The following LRRC4C variants were observed in gnomAD, a reference collection of about 807,000 sequenced individuals.
LRRC4C encodes leucine rich repeat containing 4C, also known as leucine-rich repeat-containing protein 4C.
A neutral mutation model predicts 33.6 loss-of-function variants in LRRC4C; 5 were observed. The observed-to-expected ratio is 0.15, with a 90% CI of 0.08 to 0.31. The LOEUF (loss-of-function observed/expected upper bound fraction) is 0.31. Ranked by LOEUF, LRRC4C falls within the 10% of genes least tolerant of loss-of-function variation. The pLI, the probability that LRRC4C is intolerant of heterozygous loss-of-function variation, is 1.00. For missense variants in LRRC4C, 560 were observed against 796.7 expected, an observed-to-expected ratio of 0.70 and a Z score of 3.58; for synonymous variants, 329 against 302.0, an observed-to-expected ratio of 1.09 and a Z score of -0.93.
chr11:40,987,009 C>T (rs1354017403), intron 1 of LRRC4C, among the ~76,000 whole-genome samples: 2 of 152,140 alleles, frequency 1.3e-5, no homozygotes, highest in Non-Finnish European at 2.9e-5. Context: ...CCAGTTCTTC[C>T]CTGGGAACTC....
intron 1 of LRRC4C, among the ~76,000 whole-genome samples, chr11:41,043,068 CTTTTTTTTTTTTTT>C (rs67605827): frequency 1.3e-5 from 1 of 75,798 alleles, no homozygotes; most frequent in Non-Finnish European, 2.4e-5. Flanking sequence ...CAGAATAGAC[CTTTTTTTTTTTTTT>C]TTTTTTTTTT....
At chr11:41,171,335 A>G (rs150250174) in intron 1 of LRRC4C, among the ~76,000 whole-genome samples, 1,974 of 152,326 alleles carry the variant, frequency 0.013, 53 homozygotes, top group African/African-American at 0.044. Flanking sequence ...TATTCACAAT[A>G]GCAAAGACTT....
intron 1 of LRRC4C, among the ~76,000 whole-genome samples, chr11:41,037,186 A>G (rs963766905): frequency 2.6e-5 from 4 of 152,062 alleles, no homozygotes; most frequent in Non-Finnish European, 5.9e-5. Context: ...TACTCGTTGC[A>G]TTATAAATTA....
Position 40,235,495 on chromosome 11 carries a change from A to G in LRRC4C, c.-96+6024T>C, listed in dbSNP as rs560095480. Among the ~76,000 whole-genome samples, 3 of 152,332 alleles carry G rather than the reference A, an allele frequency of 2.0e-5. No homozygotes were observed. The South Asian group carries it at 6.2e-4, about 32-fold the overall frequency. On this transcript the variant is annotated intron_variant, in intron 5 of 6. Coordinates refer to ENST00000528697, the MANE Select transcript of LRRC4C (RefSeq NM_001258419.2). The stretch of plus-strand genomic sequence containing the variant: ...ACTTATTATATGGATATAACCTTAA[A>G]GTCGATGGGAGTTGAGAATCAAGGC...
intron 1 of LRRC4C, among the ~76,000 whole-genome samples, chr11:41,350,601 C>T (rs1951950166): frequency 2.0e-5 from 3 of 151,844 alleles, no homozygotes; most frequent in African/African-American, 7.3e-5. Flanking sequence ...TAACCTCCAT[C>T]ACATGGGCAT....
intron 1 of LRRC4C, among the ~76,000 whole-genome samples, chr11:40,959,163 T>C (rs2136839586): frequency 6.6e-6 from 1 of 151,838 alleles, no homozygotes; most frequent in African/African-American, 2.4e-5. Flanking sequence ...ATGACTCTAA[T>C]GCATAGCCTA....
intron 3 of LRRC4C, among the ~76,000 whole-genome samples, chr11:40,383,291 G>C (rs1948965927): frequency 6.6e-6 from 1 of 152,032 alleles, no homozygotes; most frequent in Admixed American, 6.6e-5. Flanking sequence ...TCCATATCTT[G>C]ACTATTGTGA....
chr11:41,247,010 A>T (rs1262787680), intron 1 of LRRC4C, among the ~76,000 whole-genome samples: 1 of 152,234 alleles, frequency 6.6e-6, no homozygotes, highest in African/African-American at 2.4e-5. Flanking sequence ...CACCGGGTGA[A>T]GGTAGGTCAC....
At chr11:41,124,464 G>A (rs955627254) in intron 1 of LRRC4C, among the ~76,000 whole-genome samples, 7 of 152,150 alleles carry the variant, frequency 4.6e-5, no homozygotes, top group African/African-American at 1.4e-4. Context: ...TCTTTTCTTC[G>A]TTCTACAGCA....
intron 2 of LRRC4C, among the ~76,000 whole-genome samples, chr11:40,795,210 C>A (rs1483847534): frequency 6.6e-6 from 1 of 152,128 alleles, no homozygotes; most frequent in African/African-American, 2.4e-5. Flanking sequence ...CTTTACTTCT[C>A]CACATCCATA....
At chr11:41,199,918 A>G (rs1946337246) in intron 1 of LRRC4C, among the ~76,000 whole-genome samples, 2 of 152,134 alleles carry the variant, frequency 1.3e-5, no homozygotes, top group South Asian at 4.1e-4. Context: ...CTTACATCTT[A>G]ACATCTTAAA....
intron 1 of LRRC4C, among the ~76,000 whole-genome samples, chr11:41,428,613 G>T (rs1346340848): frequency 6.6e-6 from 1 of 152,086 alleles, no homozygotes; most frequent in Non-Finnish European, 1.5e-5. Context: ...GCTGCTTGTA[G>T]GTATTGTTGG....
chr11:41,240,075 T>C (rs185781710), intron 1 of LRRC4C, among the ~76,000 whole-genome samples: 73 of 152,310 alleles, frequency 4.8e-4, no homozygotes, highest in Non-Finnish European at 9.4e-4. Flanking sequence ...AAAAATCAAA[T>C]GTCAAAGCTT....
At chr11:40,613,272 C>T (rs1591276242) in intron 3 of LRRC4C, among the ~76,000 whole-genome samples, 2 of 151,864 alleles carry the variant, frequency 1.3e-5, no homozygotes, top group East Asian at 3.9e-4. Flanking sequence ...TCTCTCAAAC[C>T]TTGCCTATGC....
At chr11:40,674,507 G>C (rs1241043869) in intron 2 of LRRC4C, among the ~76,000 whole-genome samples, 1 of 152,144 alleles carries the variant, frequency 6.6e-6, no homozygotes, top group Non-Finnish European at 1.5e-5. Flanking sequence ...ACAGCCAGGG[G>C]CTCTTAGGTG....
intron 1 of LRRC4C, among the ~76,000 whole-genome samples, chr11:41,224,181 C>T (rs1470713254): frequency 6.6e-6 from 1 of 152,038 alleles, no homozygotes; most frequent in African/African-American, 2.4e-5. Flanking sequence ...AATTACCTGC[C>T]GTGGAAAAAG....
intron 1 of LRRC4C, among the ~76,000 whole-genome samples, chr11:41,003,010 T>C (rs976409399): frequency 6.6e-6 from 1 of 152,184 alleles, no homozygotes; most frequent in Admixed American, 6.5e-5. Flanking sequence ...GTTATGTATG[T>C]GTATAGTTAT....
At chr11:40,679,577 T>C (rs1455224331) in intron 2 of LRRC4C, among the ~76,000 whole-genome samples, 1 of 152,168 alleles carries the variant, frequency 6.6e-6, no homozygotes, top group Non-Finnish European at 1.5e-5. Flanking sequence ...TCCCAGCATC[T>C]CCAGCCGTGA....
intron 5 of LRRC4C, among the ~76,000 whole-genome samples, chr11:40,175,669 G>A (rs755527610): frequency 2.0e-5 from 3 of 152,092 alleles, no homozygotes; most frequent in Non-Finnish European, 4.4e-5. Context: ...TCCTTGATGA[G>A]TACCAGGAAA....
Sources: allele counts gnomAD v4.1 joint callset (sites outside exome capture counted in the v4.1 genomes callset), GRCh38; gene constraint gnomAD v4.1.1; transcripts MANE v1.5; gene names NCBI Gene and HGNC (gene_info 2026-07-23, HGNC 2026-07-21).